The following CFAP299 variants were observed in gnomAD, a reference collection of about 807,000 sequenced individuals.
The protein encoded by CFAP299 is cilia- and flagella-associated protein 299.
A neutral mutation model predicts 27.0 loss-of-function variants in CFAP299; 21 were observed. The ratio of observed to expected loss-of-function variants is 0.78; its 90% CI spans 0.55 to 1.12. The LOEUF is 1.12. CFAP299 is among the 50% of genes most tolerant of loss of function. CFAP299 has a pLI of 0.00. For missense variants in CFAP299, 310 were observed against 276.6 expected (o/e 1.12, Z -0.86); for synonymous variants, 104 against 98.1 (o/e 1.06, Z -0.36).
intron 3 of CFAP299, among the ~76,000 whole-genome samples, chr4:80,844,564 G>T (rs1400196058): frequency 6.6e-6 from 1 of 152,092 alleles, no homozygotes; most frequent in Non-Finnish European, 1.5e-5. Context: ...TTTGAGAATT[G>T]TCTGTTCATA....
chr4:80,408,974 G>A (rs1286345349), intron 2 of CFAP299, among the ~76,000 whole-genome samples: 1 of 151,008 alleles, frequency 6.6e-6, no homozygotes, highest in African/African-American at 2.4e-5. Flanking sequence ...CTAGCTACTT[G>A]GGAGGCTGGG....
intron 3 of CFAP299, among the ~76,000 whole-genome samples, chr4:80,591,121 T>TTATTTTTTTTA (rs1736742836): frequency 6.9e-6 from 1 of 144,814 alleles, no homozygotes; most frequent in Admixed American, 7.0e-5. Flanking sequence ...TTTTTTTTTT[T>TTATTTTTTTTA]TTTTTTTTTT....
At chr4:80,589,844 G>T (rs772432005) in intron 3 of CFAP299, among the ~76,000 whole-genome samples, 12 of 152,174 alleles carry the variant, frequency 7.9e-5, no homozygotes, top group Non-Finnish European at 1.8e-4. Flanking sequence ...GGTGATGGCA[G>T]TAGAGTACAT....
At chr4:80,821,619 C>A (rs998005050) in intron 3 of CFAP299, among the ~76,000 whole-genome samples, 59 of 152,046 alleles carry the variant, frequency 3.9e-4, no homozygotes, top group African/African-American at 1.4e-3. Context: ...TAAAGTAGCA[C>A]CTAAAGAGGA....
intron 4 of CFAP299, chr4:80,872,470 C>A (rs1387435831): frequency 1.3e-5 from 2 of 151,922 alleles, no homozygotes; most frequent in Non-Finnish European, 2.9e-5. Flanking sequence ...TAAATTCCTG[C>A]AGAAATACAA....
chr4:80,583,743 T>G (rs957650423), intron 3 of CFAP299, among the ~76,000 whole-genome samples: 6 of 151,992 alleles, frequency 3.9e-5, no homozygotes, highest in Non-Finnish European at 7.4e-5. Flanking sequence ...AAAGATTTAC[T>G]TTCACACTTT....
intron 3 of CFAP299, among the ~76,000 whole-genome samples, chr4:80,859,863 G>A (rs566486084): frequency 6.8e-4 from 103 of 152,046 alleles, no homozygotes; most frequent in Non-Finnish European, 1.3e-3. Flanking sequence ...TCATTTCAAC[G>A]TTGGTGAATC....
chr4:80,528,587 C>T (rs2110184113), intron 2 of CFAP299, among the ~76,000 whole-genome samples: 1 of 152,242 alleles, frequency 6.6e-6, no homozygotes, highest in South Asian at 2.1e-4. Context: ...TATTGAAATG[C>T]TCATTACTTT....
intron 3 of CFAP299, among the ~76,000 whole-genome samples, chr4:80,610,882 A>G (rs773628694): frequency 7.6e-4 from 115 of 152,132 alleles, no homozygotes; most frequent in Non-Finnish European, 1.3e-3. Flanking sequence ...CCATTGTGCT[A>G]TTATTAGTTG....
intron 2 of CFAP299, among the ~76,000 whole-genome samples, chr4:80,538,878 C>G (rs1248791842): frequency 6.6e-6 from 1 of 152,168 alleles, no homozygotes; most frequent in Non-Finnish European, 1.5e-5. Flanking sequence ...AATGCTACAT[C>G]TTCCCCAACT....
chr4:80,474,864 A>G (rs1730195803), intron 2 of CFAP299, among the ~76,000 whole-genome samples: 1 of 152,214 alleles, frequency 6.6e-6, no homozygotes, highest in Non-Finnish European at 1.5e-5. Context: ...ATCATAAACA[A>G]GTAATGAGAT....
upstream of CFAP299, among the ~76,000 whole-genome samples, chr4:80,334,000 C>T (rs913610579): frequency 3.3e-5 from 5 of 152,126 alleles, no homozygotes; most frequent in Admixed American, 3.3e-4. Context: ...TAATTCTAGC[C>T]TTACTGTGAG....
intron 4 of CFAP299, among the ~76,000 whole-genome samples, chr4:80,920,204 A>G (rs1735976927): frequency 6.6e-6 from 1 of 152,112 alleles, no homozygotes; most frequent in Admixed American, 6.6e-5. Flanking sequence ...CCGTTAGACT[A>G]ATATGGAACT....
chr4:80,690,300 T>C (rs1413049963), intron 3 of CFAP299, among the ~76,000 whole-genome samples: 1 of 150,360 alleles, frequency 6.7e-6, no homozygotes, highest in Non-Finnish European at 1.5e-5. Flanking sequence ...GAAGTAAAGC[T>C]CTCCTCAGCA....
At chr4:80,502,531 C>T (rs1731795391) in intron 2 of CFAP299, among the ~76,000 whole-genome samples, 1 of 152,038 alleles carries the variant, frequency 6.6e-6, no homozygotes, top group African/African-American at 2.4e-5. Flanking sequence ...AAAAACAAAT[C>T]TATTGCTGTT....
intron 3 of CFAP299, among the ~76,000 whole-genome samples, chr4:80,694,623 G>A (rs1439978266): frequency 1.3e-5 from 2 of 152,076 alleles, no homozygotes. Flanking sequence ...GTATTTAATT[G>A]ATATCTTGAA....
chr4:80,336,855 G>A (rs1722172746), intron 1 of CFAP299, among the ~76,000 whole-genome samples: 1 of 152,174 alleles, frequency 6.6e-6, no homozygotes, highest in African/African-American at 2.4e-5. Flanking sequence ...AGTCTGGGAA[G>A]GATTTGCATC....
chr4:80,388,359 A>T lies in CFAP299; in HGVS notation c.242+25475A>T, dbSNP rs1186393462. On this transcript the variant is annotated intron_variant, in intron 2 of 5. Coordinates refer to ENST00000358105, the MANE Select transcript of CFAP299 (RefSeq NM_152770.3). ...AGTGGGGACAGGGGCACTGTGATGT[A>T]TGTAGAGATCTGGCAATTGGCAGGA... 5.9e-6 allele frequency: 4 copies of T among 681,538 alleles called. No homozygotes were observed. In the Admixed American group the frequency reaches 8.2e-5, roughly 14 times the overall value. The allele number at this position is 681,538 out of a possible 1,614,324, so 42.2% of individuals were successfully genotyped here. A position where few individuals can be genotyped will look rare whatever the true frequency, so the allele number is the denominator to read the frequency against.
At chr4:80,794,461 G>A (rs1253081102) in intron 3 of CFAP299, among the ~76,000 whole-genome samples, 2 of 152,084 alleles carry the variant, frequency 1.3e-5, no homozygotes, top group Middle Eastern at 3.4e-3. Flanking sequence ...TCTGATTCAC[G>A]GGTCTTCTGG....
Sources: gnomAD v4.1 joint callset for allele counts (sites outside exome capture counted in the v4.1 genomes callset) on GRCh38, gnomAD v4.1.1 for gene constraint, MANE v1.5 for transcripts, NCBI Gene and HGNC (gene_info 2026-07-23, HGNC 2026-07-21) for gene names.